The following PCM1 variants were observed in gnomAD, a reference collection of about 807,000 sequenced individuals.
The protein encoded by PCM1 is pericentriolar material 1 protein.
PCM1 carries 157 observed loss-of-function variants against 241.9 expected under a neutral mutation model. The observed-to-expected ratio is 0.65, with a 90% confidence interval of 0.57 to 0.74. PCM1 has a LOEUF of 0.74. Among genes scored for constraint, PCM1 ranks in the 30% least tolerant of loss-of-function variants. PCM1 has a pLI of 0.00. For synonymous variants in PCM1, 1,085 were observed against 784.9 expected (o/e 1.38, Z -6.39); for missense variants, 3,478 against 2,360.1 (o/e 1.47, Z -9.81).
At chr8:17,969,401 CAT>C (rs757637629) in intron 21 of PCM1, 174 bp from the exon 22 acceptor site, 6 of 535,544 alleles carry the variant, frequency 1.1e-5, no homozygotes, top group Non-Finnish European at 1.9e-5. Flanking sequence ...ATGCCTAAAA[CAT>C]AGTGGCCTAA....
chr8:17,930,351 C>T (rs912527599), intron 2 of PCM1, among the ~76,000 whole-genome samples: 22 of 151,704 alleles, frequency 1.5e-4, no homozygotes, highest in Non-Finnish European at 2.9e-4. Flanking sequence ...GATCCGCCTG[C>T]CTTGGCCTCC....
In PCM1 at chr8:18,028,389, A is replaced by G. The variant is rs2094364374; in HGVS notation, c.*727A>G. On this transcript the variant is annotated 3_prime_UTR_variant, in exon 39 of 39. Transcript: ENST00000325083. ...TCGCCTCAGACTAAAAGTAAAAAAAATAAGCTTTATATAATTAGGGAGATT... is the reference window on the plus strand; with the variant it reads ...TCGCCTCAGACTAAAAGTAAAAAAAGTAAGCTTTATATAATTAGGGAGATT... The G allele has an allele frequency of 1.0e-5, 2 of 193,284 alleles. No homozygotes were observed. The highest frequency in any genetic ancestry group is 2.3e-5 in the African/African-American group (1 of 43,120). 12.0% of individuals were successfully genotyped at this position (193,284 alleles called of 1,614,324 possible).
Position 17,981,612 on chromosome 8 carries a change from A to C in PCM1, c.4108+857A>C, listed in dbSNP as rs193068288. Among the ~76,000 whole-genome samples the C allele has an allele frequency of 4.6e-5, 7 of 152,328 alleles. No homozygotes were observed. In the East Asian group the frequency reaches 1.3e-3, roughly 29 times the overall value. ...TAGTAGCTTTCATTGACATTAGTAT[A>C]AAATGCATGCGTTTTTTGTTTAAAA... is the stretch of plus-strand genomic sequence containing the variant. On this transcript the variant is annotated intron_variant, in intron 24 of 38. Transcript: ENST00000325083.
At chr8:18,026,200 A>AAAAAAAAAAAG (rs2094193728) in intron 38 of PCM1, among the ~76,000 whole-genome samples, 1 of 148,840 alleles carries the variant, frequency 6.7e-6, no homozygotes, top group African/African-American at 2.5e-5. Context: ...AAAAAAAAAA[A>AAAAAAAAAAAG]ATGTAGACAT....
chr8:17,984,078 C>A (rs960357547), intron 24 of PCM1, among the ~76,000 whole-genome samples: 1 of 152,082 alleles, frequency 6.6e-6, no homozygotes, highest in Non-Finnish European at 1.5e-5. Context: ...CTTTCCACCT[C>A]TTGACTGCAG....
rs528550645 is a variant in PCM1 at position 17,972,859 on chromosome 8, ATAT to A, written c.3943+174_3943+176del. Among the ~76,000 whole-genome samples the A allele has an allele frequency of 3.3e-4, 51 of 152,280 alleles. No individual in the cohort carries two copies. The East Asian group carries it at 3.7e-3, about 11-fold the overall frequency. On this transcript the variant is annotated intron_variant, in intron 23 of 38. Transcript: ENST00000325083. ...ATATATAATTTTTTTTTACAAAATA[ATAT>A]TCGAAATAGGGTTTAATTTTCTGGA...
intron 6 of PCM1, among the ~76,000 whole-genome samples, chr8:17,945,561 CTTAT>C (rs1464137108): frequency 6.6e-6 from 1 of 152,224 alleles, no homozygotes; most frequent in East Asian, 1.9e-4. Flanking sequence ...TTGCCATGTA[CTTAT>C]TTGTTTACTT....
intron 6 of PCM1, among the ~76,000 whole-genome samples, chr8:17,945,075 TGTACCTA>T (rs1276443030): frequency 6.6e-6 from 1 of 152,178 alleles, no homozygotes; most frequent in African/African-American, 2.4e-5. Flanking sequence ...CATTGATATC[TGTACCTA>T]TTTGATTTGG....
intron 29 of PCM1, among the ~76,000 whole-genome samples, chr8:17,996,375 G>C (rs1657781954): frequency 1.3e-5 from 2 of 152,142 alleles, no homozygotes; most frequent in South Asian, 4.1e-4. Context: ...TTGCATCCCT[G>C]GGATAAATCC....
intron 36 of PCM1, among the ~76,000 whole-genome samples, chr8:18,022,138 ATC>A: frequency 6.6e-6 from 1 of 152,264 alleles, no homozygotes; most frequent in Non-Finnish European, 1.5e-5. Flanking sequence ...GGGTCCATCT[ATC>A]TCAAGTAGAG....
intron 18 of PCM1, among the ~76,000 whole-genome samples, chr8:17,965,521 C>G (rs1233807161): frequency 6.6e-6 from 1 of 152,190 alleles, no homozygotes; most frequent in South Asian, 2.1e-4. Context: ...TCAGTCTTCA[C>G]TCCTGCTGTT....
intron 34 of PCM1, among the ~76,000 whole-genome samples, chr8:18,012,477 G>T (rs1235741935): frequency 1.3e-5 from 2 of 152,108 alleles, no homozygotes. Flanking sequence ...GTGTGTAGGG[G>T]AAAAACAGTA....
At chr8:17,961,526 T>C (rs547829175) in intron 15 of PCM1, among the ~76,000 whole-genome samples, 50 of 152,220 alleles carry the variant, frequency 3.3e-4, no homozygotes, top group Non-Finnish European at 5.9e-4. Context: ...TTAGCCAAGA[T>C]GGTCTCAGTC....
At chr8:17,977,219 T>G (rs1245776646) in intron 23 of PCM1, among the ~76,000 whole-genome samples, 1 of 152,218 alleles carries the variant, frequency 6.6e-6, no homozygotes, top group African/African-American at 2.4e-5. Flanking sequence ...GCACTCATAC[T>G]CTTTATTGCT....
intron 6 of PCM1, chr8:17,940,108 G>A (rs1259398737): frequency 1.3e-6 from 2 of 1,576,688 alleles, no homozygotes; most frequent in South Asian, 1.1e-5. Flanking sequence ...TTCTGTAGCT[G>A]AGAGCACATC....
chr8:17,942,470 G>A (rs57744098), intron 6 of PCM1, among the ~76,000 whole-genome samples: 39,266 of 151,676 alleles, frequency 0.26, 6,074 homozygotes, highest in African/African-American at 0.44. Flanking sequence ...AAAAAATAAT[G>A]AAATAAAAAT....
chr8:18,015,532 T>C (rs1272816047), intron 36 of PCM1, among the ~76,000 whole-genome samples: 1 of 152,162 alleles, frequency 6.6e-6, no homozygotes, highest in East Asian at 1.9e-4. Context: ...TAAAAGACAA[T>C]TTTGTAATTG....
At position 17,985,639 on chromosome 8, in the gene PCM1, A is replaced by T; in HGVS notation, c.4281+20A>T. ...TTGCAGGTATCTGGTACCTAACATA[A>T]TTTTTCCTACCCTATTATCACCTTC... On this transcript the variant is annotated intron_variant, in intron 25 of 38. Coordinates refer to ENST00000325083, the MANE Select transcript of PCM1 (RefSeq NM_006197.4). The T allele has an allele frequency of 1.3e-6, 2 of 1,575,928 alleles. No homozygotes were observed.
At position 17,967,077 on chromosome 8, in the gene PCM1, T is replaced by C. The variant is rs770419009; in HGVS notation, c.3319T>C (p.Ser1107Pro). The C allele has an allele frequency of 1.9e-6, 3 of 1,608,944 alleles. No individual in the cohort carries two copies. The highest frequency in any genetic ancestry group is 1.3e-5 in the African/African-American group (1 of 74,872). ...ERGSSASHPP[S>P]PSLFCPFSFP... ...AGGCAGTAGTGCATCGCACCCTCCT[T>C]CTCCCAGTTTATTTTGTCCTTTCAG... Residue 1107 changes from serine (S) to proline (P), a missense_variant, in exon 21 of 39, where the codon TCT becomes CCT. Coordinates refer to ENST00000325083, the MANE Select transcript of PCM1 (RefSeq NM_006197.4).
Sources: gnomAD v4.1 joint callset for allele counts (sites outside exome capture counted in the v4.1 genomes callset) on GRCh38, gnomAD v4.1.1 for gene constraint, MANE v1.5 for transcripts, NCBI Gene and HGNC (gene_info 2026-07-23, HGNC 2026-07-21) for gene names.